Variants in HPSE2 observed in about 807,000 individuals in gnomAD.
HPSE2 encodes heparanase 2 (inactive).
HPSE2 carries 38 observed loss-of-function variants against 60.5 expected under a neutral mutation model. The observed-to-expected ratio is 0.63, with a 90% CI of 0.48 to 0.82. The LOEUF (loss-of-function observed/expected upper bound fraction) is 0.82, where lower values mean the gene tolerates loss of function less well. Ranked by LOEUF, HPSE2 falls within the 40% of genes least tolerant of loss-of-function variation. The probability of loss-of-function intolerance (pLI) is 0.00; values close to 1 mark genes in which losing one functional copy is unlikely to be tolerated. For missense variants in HPSE2, 713 were observed against 740.4 expected (o/e 0.96, Z 0.43); for synonymous variants, 295 against 293.2 (o/e 1.01, Z -0.06).
intron 6 of HPSE2, among the ~76,000 whole-genome samples, chr10:98,656,503 A>C (rs979691934): frequency 3.9e-5 from 6 of 152,160 alleles, no homozygotes; most frequent in Non-Finnish European, 5.9e-5. Flanking sequence ...CCTTTGAGAG[A>C]ATAAGACAGA....
intron 3 of HPSE2, among the ~76,000 whole-genome samples, chr10:98,822,741 A>T (rs1332672037): frequency 6.6e-6 from 1 of 152,236 alleles, no homozygotes; most frequent in African/African-American, 2.4e-5. Context: ...CGCTATGCAA[A>T]CACTAACCAA....
intron 3 of HPSE2, among the ~76,000 whole-genome samples, chr10:98,817,570 CAA>C (rs1951320609): frequency 6.6e-6 from 1 of 152,128 alleles, no homozygotes; most frequent in Non-Finnish European, 1.5e-5. Flanking sequence ...ATAAAAAAAC[CAA>C]AAGAGAAAGA....
chr10:98,852,736 T>C (rs768467184), intron 3 of HPSE2, among the ~76,000 whole-genome samples: 5 of 152,358 alleles, frequency 3.3e-5, no homozygotes, highest in South Asian at 2.1e-4. Flanking sequence ...GTATTGACTG[T>C]TGTGGTGTGA....
intron 3 of HPSE2, among the ~76,000 whole-genome samples, chr10:99,096,679 T>C (rs997906324): frequency 1.4e-5 from 2 of 146,984 alleles, no homozygotes; most frequent in African/African-American, 2.4e-5. Flanking sequence ...CTTGTGGAAA[T>C]TGAGCTAAAT....
the HPSE2 span, among the ~76,000 whole-genome samples, chr10:99,305,979 G>GCGCGCGCGCGCACACACACA: frequency 4.1e-4 from 33 of 80,576 alleles, no homozygotes; most frequent in Non-Finnish European, 6.9e-4. Context: ...GCGCGCGCGC[G>GCGCGCGCGCGCACACACACA]CACACACACA....
chr10:98,873,375 A>T (rs988319554), intron 3 of HPSE2, among the ~76,000 whole-genome samples: 6 of 151,990 alleles, frequency 3.9e-5, no homozygotes, highest in Non-Finnish European at 7.4e-5. Flanking sequence ...ACCCTGCAAC[A>T]GGCCCTGGTG....
At chr10:98,558,456 C>G (rs1324705612) in intron 9 of HPSE2, among the ~76,000 whole-genome samples, 1 of 152,112 alleles carries the variant, frequency 6.6e-6, no homozygotes, top group Admixed American at 6.5e-5. Flanking sequence ...CAACTATACC[C>G]AAAAATATGG....
At chr10:98,550,769 T>C (rs1426293518) in intron 9 of HPSE2, among the ~76,000 whole-genome samples, 3 of 151,996 alleles carry the variant, frequency 2.0e-5, no homozygotes, top group Admixed American at 6.6e-5. Flanking sequence ...CCACCGCGCC[T>C]GGCCTCTTAA....
chr10:99,266,414 G>A, the HPSE2 span, among the ~76,000 whole-genome samples: 4 of 152,046 alleles, frequency 2.6e-5, no homozygotes, highest in Non-Finnish European at 5.9e-5. Flanking sequence ...CACGGCAGAG[G>A]CAGCCATAAT....
chr10:98,752,858 C>A (rs1428972392), intron 3 of HPSE2, among the ~76,000 whole-genome samples: 1 of 151,944 alleles, frequency 6.6e-6, no homozygotes, highest in Admixed American at 6.5e-5. Context: ...TACTACTCAG[C>A]CATAAAAAGA....
chr10:99,183,247 T>C lies in HPSE2; in HGVS notation c.449-38848A>G, dbSNP rs1391864295. On this transcript the variant is annotated intron_variant, in intron 2 of 11. Transcript: ENST00000370552. The stretch of plus-strand genomic sequence containing the variant: ...TATAGGACAGAGTATAGGAGACGGA[T>C]TTTCACAAAGAGCAAAAGCTCCAGA... Among the ~76,000 whole-genome samples the C allele has an allele frequency of 5.9e-5, 9 of 152,112 alleles. No homozygotes were observed. In the East Asian group the frequency reaches 1.7e-3, roughly 30 times the overall value.
At chr10:99,041,907 G>A (rs1441780452) in intron 3 of HPSE2, among the ~76,000 whole-genome samples, 1 of 152,192 alleles carries the variant, frequency 6.6e-6, no homozygotes, top group Non-Finnish European at 1.5e-5. Context: ...CCAACATGCT[G>A]CAGCTACCAT....
chr10:99,315,536 AAGG>A, the HPSE2 span, among the ~76,000 whole-genome samples: 1 of 152,192 alleles, frequency 6.6e-6, no homozygotes, highest in Non-Finnish European at 1.5e-5. Flanking sequence ...GAAGCGAGGA[AAGG>A]AGGAGACGGA....
intron 2 of HPSE2, among the ~76,000 whole-genome samples, chr10:99,190,130 TG>T (rs1236158022): frequency 5.9e-5 from 9 of 152,240 alleles, no homozygotes; most frequent in Non-Finnish European, 2.9e-5. Flanking sequence ...AACTACCATT[TG>T]TTAACTACCT....
intron 3 of HPSE2, among the ~76,000 whole-genome samples, chr10:98,821,410 C>T (rs569386408): frequency 6.6e-6 from 1 of 152,232 alleles, no homozygotes; most frequent in African/African-American, 2.4e-5. Flanking sequence ...TATATTTAAA[C>T]ATATCTCAAC....
At chr10:98,954,285 CGA>C (rs1955447667) in intron 3 of HPSE2, among the ~76,000 whole-genome samples, 1 of 150,730 alleles carries the variant, frequency 6.6e-6, no homozygotes. Flanking sequence ...CCAGCCTAGG[CGA>C]GAGAGTGAGA....
At chr10:99,007,618 T>C (rs1473802738) in intron 3 of HPSE2, among the ~76,000 whole-genome samples, 1 of 152,172 alleles carries the variant, frequency 6.6e-6, no homozygotes, top group Non-Finnish European at 1.5e-5. Context: ...ATCTGGACTT[T>C]AGTTAATTAA....
At chr10:98,801,565 T>C (rs946429007) in intron 3 of HPSE2, among the ~76,000 whole-genome samples, 1 of 151,880 alleles carries the variant, frequency 6.6e-6, no homozygotes, top group Non-Finnish European at 1.5e-5. Context: ...GTGAACAATA[T>C]GAAAAAGAAA....
chr10:99,033,809 C>A (rs1218109187), intron 3 of HPSE2, among the ~76,000 whole-genome samples: 1 of 151,464 alleles, frequency 6.6e-6, no homozygotes, highest in Non-Finnish European at 1.5e-5. Flanking sequence ...AAAAAACCAA[C>A]AACAGCAACA....
Sources: gnomAD v4.1 joint callset for allele counts (sites outside exome capture counted in the v4.1 genomes callset) on GRCh38, gnomAD v4.1.1 for gene constraint, MANE v1.5 for transcripts, NCBI Gene and HGNC (gene_info 2026-07-23, HGNC 2026-07-21) for gene names.